Variants in C1orf21 observed in about 807,000 individuals in gnomAD.
C1orf21 encodes uncharacterized protein C1orf21.
A neutral mutation model predicts 18.7 loss-of-function variants in C1orf21; 3 were observed. The ratio of observed to expected loss-of-function variants is 0.16; its 90% CI spans 0.07 to 0.42. C1orf21 has a LOEUF of 0.42. C1orf21 is among the 10% of genes least tolerant of loss of function. The pLI, the probability that C1orf21 is intolerant of heterozygous loss-of-function variation, is 0.99. For missense variants in C1orf21, 104 were observed against 143.6 expected (o/e 0.72, Z 1.41); for synonymous variants, 41 against 46.4 (o/e 0.88, Z 0.47).
chr1:184,451,469 T>A (rs200328038), intron 1 of C1orf21, among the ~76,000 whole-genome samples: 76 of 122,140 alleles, frequency 6.2e-4, no homozygotes, highest in African/African-American at 1.7e-3. Context: ...TTAATTTTTT[T>A]TTTTTTTTTT....
At chr1:184,605,536 A>G (rs1659636269) in intron 5 of C1orf21, among the ~76,000 whole-genome samples, 1 of 152,180 alleles carries the variant, frequency 6.6e-6, no homozygotes, top group South Asian at 2.1e-4. Context: ...CCTAGAGTAG[A>G]CATCTCTACT....
chr1:184,582,002 T>C (rs1333514558), intron 3 of C1orf21, among the ~76,000 whole-genome samples: 1 of 152,224 alleles, frequency 6.6e-6, no homozygotes. Flanking sequence ...AATGGAAGTA[T>C]TGACTTCAGG....
At chr1:184,494,804 T>C (rs888353234) in intron 2 of C1orf21, among the ~76,000 whole-genome samples, 1 of 152,122 alleles carries the variant, frequency 6.6e-6, no homozygotes, top group Admixed American at 6.5e-5. Flanking sequence ...GCTGTAAGGA[T>C]TAATAGGGTC....
chr1:184,547,420 C>CTTTTTTTTTT, intron 3 of C1orf21, among the ~76,000 whole-genome samples: 1 of 102,966 alleles, frequency 9.7e-6, no homozygotes, highest in Non-Finnish European at 1.9e-5. Flanking sequence ...TACATCCAGA[C>CTTTTTTTTTT]TTTTTTTTTT....
chr1:184,456,478 A>G (rs1657199699), intron 1 of C1orf21, among the ~76,000 whole-genome samples: 1 of 152,220 alleles, frequency 6.6e-6, no homozygotes, highest in Non-Finnish European at 1.5e-5. Flanking sequence ...TAACAGCAAA[A>G]AGGCAATATG....
chr1:184,532,172 G>A (rs1339710702), intron 3 of C1orf21, among the ~76,000 whole-genome samples: 1 of 152,040 alleles, frequency 6.6e-6, no homozygotes, highest in Admixed American at 6.6e-5. Context: ...TTTGGAGTGA[G>A]AGGGAAATGG....
chr1:184,595,193 A>G (rs1320015285), intron 4 of C1orf21, among the ~76,000 whole-genome samples: 1 of 152,218 alleles, frequency 6.6e-6, no homozygotes, highest in Non-Finnish European at 1.5e-5. Flanking sequence ...TCAGGTACCA[A>G]TGTGCAGGCT....
At chr1:184,616,179 A>G (rs765342044) in intron 5 of C1orf21, among the ~76,000 whole-genome samples, 8 of 152,148 alleles carry the variant, frequency 5.3e-5, no homozygotes, top group Non-Finnish European at 1.0e-4. Flanking sequence ...CTTACTTTCA[A>G]TGTGTTTTGA....
At chr1:184,475,341 C>T (rs535055065) in intron 1 of C1orf21, among the ~76,000 whole-genome samples, 59 of 152,166 alleles carry the variant, frequency 3.9e-4, no homozygotes, top group African/African-American at 1.4e-3. Context: ...TCAGCCCTGC[C>T]CCCCCATCCC....
chr1:184,419,620 A>C (rs1224380354), intron 1 of C1orf21, among the ~76,000 whole-genome samples: 2 of 152,146 alleles, frequency 1.3e-5, no homozygotes, highest in Non-Finnish European at 1.5e-5. Context: ...CATATGTTTG[A>C]AAGTGTTTAG....
intron 1 of C1orf21, among the ~76,000 whole-genome samples, chr1:184,398,189 T>C (rs1452153830): frequency 3.3e-5 from 5 of 152,212 alleles, no homozygotes; most frequent in Non-Finnish European, 7.4e-5. Flanking sequence ...AGCTAACATG[T>C]ACTGAGTGAT....
intron 1 of C1orf21, among the ~76,000 whole-genome samples, chr1:184,467,843 T>C (rs960814555): frequency 6.6e-6 from 1 of 152,238 alleles, no homozygotes; most frequent in African/African-American, 2.4e-5. Flanking sequence ...CATGAGGTCA[T>C]ATATCATTTT....
chr1:184,569,986 C>A (rs750614564), intron 3 of C1orf21, among the ~76,000 whole-genome samples: 1 of 152,132 alleles, frequency 6.6e-6, no homozygotes, highest in Non-Finnish European at 1.5e-5. Flanking sequence ...AAATCATCCT[C>A]GAAACTGCAG....
At position 184,628,342 on chromosome 1, in the gene C1orf21, A is replaced by G. The variant is rs1294463074; in HGVS notation, c.*8786A>G. 6.6e-6 allele frequency: 1 copy of G among 152,230 alleles called. No homozygotes were observed. The highest frequency in any genetic ancestry group is 2.4e-5 in the African/African-American group (1 of 41,452). The allele number at this position is 152,230 out of a possible 1,614,324, so 9.4% of individuals were successfully genotyped here. ...AGGCACATTATAAAAAGTATACAGC[A>G]TAGAAACTTTAAATGAATAAGACAC... On this transcript the variant is annotated 3_prime_UTR_variant, in exon 6 of 6. Transcript: ENST00000235307.
At position 184,621,791 on chromosome 1, in the gene C1orf21, G is replaced by T. The variant is rs1012877757; in HGVS notation, c.*2235G>T. ...TGACTTTTGAGTGTTTAATAAAGCCGGAAGTGGTGTTGCCCTGAACCAGCA... is the reference window on the plus strand; with the variant it reads ...TGACTTTTGAGTGTTTAATAAAGCCTGAAGTGGTGTTGCCCTGAACCAGCA... On this transcript the variant is annotated 3_prime_UTR_variant, in exon 6 of 6. Coordinates refer to ENST00000235307, the MANE Select transcript of C1orf21 (RefSeq NM_030806.4). 1 of 152,158 alleles carries T rather than the reference G, an allele frequency of 6.6e-6. No individual in the cohort carries two copies. The highest frequency in any genetic ancestry group is 1.5e-5 in the Non-Finnish European group (1 of 68,022). The allele number at this position is 152,158 out of a possible 1,614,324, so 9.4% of individuals were successfully genotyped here.
intron 1 of C1orf21, among the ~76,000 whole-genome samples, chr1:184,389,657 G>A (rs1222470498): frequency 1.3e-5 from 2 of 152,220 alleles, no homozygotes; most frequent in East Asian, 3.9e-4. Context: ...AGTGAATCAT[G>A]CCTCAGTACT....
chr1:184,509,127 C>T (rs1209574057), intron 3 of C1orf21, among the ~76,000 whole-genome samples: 1 of 152,180 alleles, frequency 6.6e-6, no homozygotes, highest in African/African-American at 2.4e-5. Flanking sequence ...CTTAAATCTA[C>T]TAATGTGTGT....
intron 1 of C1orf21, among the ~76,000 whole-genome samples, chr1:184,475,980 G>A (rs1657565597): frequency 6.6e-6 from 1 of 152,096 alleles, no homozygotes; most frequent in Non-Finnish European, 1.5e-5. Flanking sequence ...AGAATTATAT[G>A]AGAAATGACC....
At chr1:184,518,062 C>T (rs1174243978) in intron 3 of C1orf21, among the ~76,000 whole-genome samples, 1 of 152,134 alleles carries the variant, frequency 6.6e-6, no homozygotes, top group Non-Finnish European at 1.5e-5. Context: ...AATGATACCC[C>T]TTCATTGATC....
Sources: gnomAD v4.1 joint callset for allele counts (sites outside exome capture counted in the v4.1 genomes callset) on GRCh38, gnomAD v4.1.1 for gene constraint, MANE v1.5 for transcripts, NCBI Gene and HGNC (gene_info 2026-07-23, HGNC 2026-07-21) for gene names.